TBC1D16: variants seen among roughly 807,000 people sequenced by gnomAD.
The protein encoded by TBC1D16 is TBC1 domain family member 16.
A neutral mutation model predicts 74.7 loss-of-function variants in TBC1D16; 58 were observed. That is an observed-to-expected ratio of 0.78 (90% CI 0.63 to 0.97). The LOEUF (loss-of-function observed/expected upper bound fraction) is 0.97. Ranked by LOEUF, TBC1D16 falls within the 50% of genes least tolerant of loss-of-function variation. The pLI, the probability that TBC1D16 is intolerant of heterozygous loss-of-function variation, is 0.00. For synonymous variants in TBC1D16, 493 were observed against 474.7 expected (o/e 1.04, Z -0.50); for missense variants, 1,014 against 1,079.5 (o/e 0.94, Z 0.85).
At chr17:79,952,349 G>C (rs1051194521) in intron 4 of TBC1D16, among the ~76,000 whole-genome samples, 1 of 152,204 alleles carries the variant, frequency 6.6e-6, no homozygotes, top group Admixed American at 6.5e-5. Context: ...CAGAGCCGCC[G>C]GCAGCTGCTA....
chr17:80,023,760 A>T (rs2036377380), intron 1 of TBC1D16: 2 of 149,456 alleles, frequency 1.3e-5, no homozygotes, highest in Admixed American at 1.3e-4. Context: ...CCACAGTCAC[A>T]GCGGGTTGTG....
At chr17:79,982,124 T>A (rs1004792351) in intron 3 of TBC1D16, among the ~76,000 whole-genome samples, 1 of 151,920 alleles carries the variant, frequency 6.6e-6, no homozygotes, top group African/African-American at 2.4e-5. Flanking sequence ...GTTTCCATTG[T>A]CGTTTTTCTT....
chr17:79,960,807 A>C lies in TBC1D16; in HGVS notation c.780-7989T>G, dbSNP rs113431820. Reference sequence around the variant, plus strand: ...AAAAAAAAAAAAAAAAAAAAAAAAAAAACGAAGGAATGAAACTGACACTGT... The same window carrying C: ...AAAAAAAAAAAAAAAAAAAAAAAAACAACGAAGGAATGAAACTGACACTGT... On this transcript the variant is annotated intron_variant, in intron 3 of 11. Coordinates refer to ENST00000310924, the MANE Select transcript of TBC1D16 (RefSeq NM_019020.4). Among the ~76,000 whole-genome samples the C allele has an allele frequency of 1.4e-3, 203 of 141,704 alleles. 2 individuals are homozygous for C. The highest frequency in any genetic ancestry group is 3.8e-3 in the African/African-American group (143 of 37,206). The allele number at this position is 141,704 out of a possible 152,430, so 93.0% of individuals were successfully genotyped here.
intron 2 of TBC1D16, among the ~76,000 whole-genome samples, chr17:80,013,060 G>A (rs1466108335): frequency 6.6e-6 from 1 of 152,230 alleles, no homozygotes; most frequent in East Asian, 1.9e-4. Context: ...GATGAACAAA[G>A]CAATGCATTT....
Position 80,013,596 on chromosome 17 carries a change from T to C in TBC1D16, c.-49A>G. On this transcript the variant is annotated 5_prime_UTR_variant, in exon 2 of 12. Transcript: ENST00000310924. ...CCGCATGCGTCGGCCCGGGCAGGGC[T>C]CGTCAAGACCTGCCTGGGGGAGGAA... The C allele has an allele frequency of 6.9e-7, 1 of 1,448,450 alleles. No individual in the cohort carries two copies. The allele number at this position is 1,448,450 out of a possible 1,614,324, so 89.7% of individuals were successfully genotyped here.
In TBC1D16 at chr17:79,985,772, G is replaced by A. The variant is rs868238018; in HGVS notation, c.779+24388C>T. 3.9e-5 allele frequency among the ~76,000 whole-genome samples: 6 copies of A among 152,160 alleles called. No homozygotes were observed. The highest frequency in any genetic ancestry group is 1.3e-4 in the Admixed American group (2 of 15,272). On this transcript the variant is annotated intron_variant, in intron 3 of 11. Transcript: ENST00000310924. The surrounding 1 kb of genome is among the most constrained non-coding windows in gnomAD (Gnocchi z 4.9). ...ACACTCCCCCCTCGGCTGGGTCCTC[G>A]GGGATGCCCAGCTGTCCTAGAGTAT...
chr17:80,024,169 C>A (rs929578252), intron 1 of TBC1D16, among the ~76,000 whole-genome samples: 6 of 120,758 alleles, frequency 5.0e-5, no homozygotes, highest in Non-Finnish European at 9.7e-5. Context: ...ACCAGAGGCC[C>A]CACTTCAGCC....
intron 3 of TBC1D16, among the ~76,000 whole-genome samples, chr17:79,999,249 C>G (rs1478888642): frequency 6.6e-6 from 1 of 150,638 alleles, no homozygotes; most frequent in African/African-American, 2.4e-5. Flanking sequence ...GAGTGAGACA[C>G]TGTCTCAAAA....
rs1158244233 is a variant in TBC1D16, at chr17:79,941,514, G to A, written c.2056-407C>T. Among the ~76,000 whole-genome samples, 1 of 151,650 alleles carries A rather than the reference G, an allele frequency of 6.6e-6. No individual in the cohort carries two copies. On this transcript the variant is annotated intron_variant, in intron 11 of 11. Transcript: ENST00000310924. The surrounding 1 kb of genome is among the most constrained non-coding windows in gnomAD (Gnocchi z 4.3). ...ACCCCCCACCCCCAGCAGCCTCTCA[G>A]CTCCTGCAGGATCTGTGTCCTGTGC...
chr17:79,973,197 CTA>C (rs2144131652), intron 3 of TBC1D16, among the ~76,000 whole-genome samples: 1 of 152,260 alleles, frequency 6.6e-6, no homozygotes, highest in African/African-American at 2.4e-5. Flanking sequence ...CCTATAAATA[CTA>C]TGTTTTCCCT....
intron 3 of TBC1D16, among the ~76,000 whole-genome samples, chr17:79,976,429 T>C (rs960469991): frequency 6.6e-6 from 1 of 152,168 alleles, no homozygotes; most frequent in African/African-American, 2.4e-5. Context: ...GAGAAGAGGA[T>C]GGAGGAAGGC....
In TBC1D16 at chr17:80,009,595, C is replaced by T. The variant is rs758168678; in HGVS notation, c.779+565G>A. ...CGGGTGAATATGGTCAACACTGCCC[C>T]GGGACTACATCCATCCTCCACAGCT... On this transcript the variant is annotated intron_variant, in intron 3 of 11. Coordinates refer to ENST00000310924, the MANE Select transcript of TBC1D16 (RefSeq NM_019020.4). The surrounding 1 kb of genome is among the most constrained non-coding windows in gnomAD (Gnocchi z 5.4). Among the ~76,000 whole-genome samples the T allele has an allele frequency of 3.3e-5, 5 of 152,226 alleles. No individual in the cohort carries two copies. Among genetic ancestry groups the T allele is most frequent in the Admixed American group, 2.6e-4 (4 of 15,288 alleles).
chr17:80,002,548 C>A (rs2035530645), intron 3 of TBC1D16, among the ~76,000 whole-genome samples: 1 of 152,162 alleles, frequency 6.6e-6, no homozygotes, highest in Admixed American at 6.5e-5. Context: ...AGTAGAGGGG[C>A]CTTGTCTTAT....
Position 79,990,078 on chromosome 17 carries a change from T to C in TBC1D16, c.779+20082A>G, listed in dbSNP as rs910625191. 6.6e-6 allele frequency among the ~76,000 whole-genome samples: 1 copy of C among 152,210 alleles called. No individual in the cohort carries two copies. The highest frequency in any genetic ancestry group is 2.4e-5 in the African/African-American group (1 of 41,462). On this transcript the variant is annotated intron_variant, in intron 3 of 11. Transcript: ENST00000310924. The surrounding 1 kb of genome is among the most constrained non-coding windows in gnomAD (Gnocchi z 4.8). ...TAAAGTGTTACTTCCTGATCTAATCTTGCCAGGCTCTGGAAGCTTCCGTCA... is the reference window on the plus strand; with the variant it reads ...TAAAGTGTTACTTCCTGATCTAATCCTGCCAGGCTCTGGAAGCTTCCGTCA...
chr17:79,979,319 A>G lies in TBC1D16; in HGVS notation c.780-26501T>C, dbSNP rs1390412026. On this transcript the variant is annotated intron_variant, in intron 3 of 11. Transcript: ENST00000310924. The surrounding 1 kb of genome is among the most constrained non-coding windows in gnomAD (Gnocchi z 4.8). ...ACGCACACCCACGCCCAGAGCACAC[A>G]CGCTCCAGGGATGCACACCCACGCC... Among the ~76,000 whole-genome samples, 1 of 151,134 alleles carries G rather than the reference A, an allele frequency of 6.6e-6. No individual in the cohort carries two copies. Among genetic ancestry groups the G allele is most frequent in the South Asian group, 2.1e-4 (1 of 4,760 alleles).
At position 80,002,162 on chromosome 17, in the gene TBC1D16, C is replaced by T. The variant is rs538562204; in HGVS notation, c.779+7998G>A. ...GCTCCTGCAAGGATGCTTCCCAGCA[C>T]TGGGTCCTGGCCCACCAAGCGCACT... On this transcript the variant is annotated intron_variant, in intron 3 of 11. Coordinates refer to ENST00000310924, the MANE Select transcript of TBC1D16 (RefSeq NM_019020.4). Among the ~76,000 whole-genome samples, 10 of 152,332 alleles carry T rather than the reference C, an allele frequency of 6.6e-5. No individual in the cohort carries two copies. In the South Asian group the frequency reaches 2.1e-3, roughly 32 times the overall value.
At chr17:79,957,560 GT>G (rs1183978815) in intron 3 of TBC1D16, among the ~76,000 whole-genome samples, 1 of 152,180 alleles carries the variant, frequency 6.6e-6, no homozygotes, top group East Asian at 1.9e-4. Context: ...AGGTAGGAAG[GT>G]GAAGCACGGA....
chr17:80,034,595 G>A (rs558987873), intron 1 of TBC1D16, among the ~76,000 whole-genome samples: 18 of 152,134 alleles, frequency 1.2e-4, no homozygotes, highest in Admixed American at 4.6e-4. Flanking sequence ...CCACGCTCAG[G>A]ATGCAAACAA....
At chr17:80,024,585 C>CCATAGACA (rs2036462059) in intron 1 of TBC1D16, among the ~76,000 whole-genome samples, 4 of 103,802 alleles carry the variant, frequency 3.9e-5, no homozygotes, top group East Asian at 3.1e-4. Flanking sequence ...GGCACACACA[C>CCATAGACA]CACACACCAC....
Sources: gnomAD v4.1 joint callset for allele counts (sites outside exome capture counted in the v4.1 genomes callset) on GRCh38, gnomAD v4.1.1 for gene constraint, Gnocchi (gnomAD v3.1) non-coding constraint, MANE v1.5 for transcripts, NCBI Gene and HGNC (gene_info 2026-07-23, HGNC 2026-07-21) for gene names.